PRKG1: variants seen among roughly 807,000 people sequenced by gnomAD.
The protein encoded by PRKG1 is protein kinase cGMP-dependent 1.
PRKG1 carries 35 observed loss-of-function variants against 88.1 expected under a neutral mutation model. The observed-to-expected ratio is 0.40, with a 90% confidence interval of 0.30 to 0.53. PRKG1 has a LOEUF of 0.53. Among genes scored for constraint, PRKG1 ranks in the 20% least tolerant of loss-of-function variants. PRKG1 has a pLI of 0.59. For synonymous variants in PRKG1, 303 were observed against 292.5 expected, an observed-to-expected ratio of 1.04 and a Z score of -0.37; for missense variants, 540 against 839.8, an observed-to-expected ratio of 0.64 and a Z score of 4.41.
chr10:51,024,222 G>A (rs1843172164), intron 1 of PRKG1, among the ~76,000 whole-genome samples: 1 of 152,088 alleles, frequency 6.6e-6, no homozygotes, highest in Non-Finnish European at 1.5e-5. Flanking sequence ...AATAATTTCT[G>A]TTTTTTCCAT....
chr10:51,227,440 T>G (rs1237895778), intron 2 of PRKG1, among the ~76,000 whole-genome samples: 1 of 152,116 alleles, frequency 6.6e-6, no homozygotes, highest in Non-Finnish European at 1.5e-5. Flanking sequence ...TGTTCTCTTT[T>G]TGAATGCTGG....
intron 2 of PRKG1, among the ~76,000 whole-genome samples, chr10:51,174,256 T>G (rs1226729476): frequency 6.6e-6 from 1 of 151,980 alleles, no homozygotes; most frequent in Non-Finnish European, 1.5e-5. Context: ...GAACTTATGC[T>G]TCATTCTCTG....
intron 8 of PRKG1, among the ~76,000 whole-genome samples, chr10:52,141,093 C>T (rs16927199): frequency 0.01 from 1,577 of 152,184 alleles, 23 homozygotes; most frequent in East Asian, 0.052. Context: ...AGAATGGTGT[C>T]AGCTGCAATT....
chr10:51,588,520 G>A (rs554070808), intron 3 of PRKG1, among the ~76,000 whole-genome samples: 26 of 152,280 alleles, frequency 1.7e-4, no homozygotes, highest in Admixed American at 1.2e-3. Flanking sequence ...CACTCAGGAC[G>A]TTTATAGCCA....
intron 4 of PRKG1, among the ~76,000 whole-genome samples, chr10:51,870,438 C>T (rs1841127586): frequency 6.6e-6 from 1 of 151,692 alleles, no homozygotes; most frequent in African/African-American, 2.4e-5. Flanking sequence ...GCCATTTTGT[C>T]CCTAATGTAC....
At chr10:51,879,642 G>T (rs1003087735) in intron 4 of PRKG1, among the ~76,000 whole-genome samples, 1 of 152,150 alleles carries the variant, frequency 6.6e-6, no homozygotes, top group Non-Finnish European at 1.5e-5. Context: ...CTTTAAACCT[G>T]CCTCCCTTGG....
intron 3 of PRKG1, among the ~76,000 whole-genome samples, chr10:51,572,192 T>C (rs562611456): frequency 6.6e-6 from 1 of 152,016 alleles, no homozygotes; most frequent in South Asian, 2.1e-4. Context: ...TTTCTGACAA[T>C]CCTTTCTATC....
intron 2 of PRKG1, among the ~76,000 whole-genome samples, chr10:51,356,483 C>G (rs1256295713): frequency 6.6e-6 from 1 of 151,968 alleles, no homozygotes; most frequent in South Asian, 2.1e-4. Flanking sequence ...CTAAACTTCT[C>G]ATGATTTTCT....
intron 9 of PRKG1, among the ~76,000 whole-genome samples, chr10:52,171,439 T>C (rs1178202571): frequency 6.6e-6 from 1 of 152,206 alleles, no homozygotes; most frequent in African/African-American, 2.4e-5. Flanking sequence ...CAGCCCCATT[T>C]TCTCAGCAAT....
chr10:52,071,631 T>C, intron 7 of PRKG1, among the ~76,000 whole-genome samples: 1 of 129,368 alleles, frequency 7.7e-6, no homozygotes, highest in East Asian at 2.6e-4. Flanking sequence ...CTTCCGTGTG[T>C]GGTTTAGTAT....
chr10:51,668,506 C>T (rs1453185172), intron 3 of PRKG1, among the ~76,000 whole-genome samples: 1 of 152,188 alleles, frequency 6.6e-6, no homozygotes, highest in Non-Finnish European at 1.5e-5. Flanking sequence ...CTTCTGGGCT[C>T]AAGTGATCTG....
At chr10:51,005,871 C>T (rs1015249470) in intron 1 of PRKG1, among the ~76,000 whole-genome samples, 1 of 152,186 alleles carries the variant, frequency 6.6e-6, no homozygotes, top group African/African-American at 2.4e-5. Context: ...CCTTTCTCTC[C>T]CCTCCTCTCA....
At chr10:51,683,214 G>A (rs758100681) in intron 3 of PRKG1, among the ~76,000 whole-genome samples, 178 of 152,176 alleles carry the variant, frequency 1.2e-3, no homozygotes, top group Non-Finnish European at 2.1e-3. Context: ...GGCCAGGCAC[G>A]GTGGCTCGTG....
intron 9 of PRKG1, among the ~76,000 whole-genome samples, chr10:52,165,447 A>C (rs1423771822): frequency 2.0e-5 from 3 of 152,170 alleles, no homozygotes; most frequent in Non-Finnish European, 1.5e-5. Context: ...CCAATGCTGC[A>C]GGGGCTAGGA....
intron 5 of PRKG1, among the ~76,000 whole-genome samples, chr10:51,923,209 C>T (rs970058505): frequency 3.3e-5 from 5 of 151,682 alleles, no homozygotes; most frequent in Non-Finnish European, 7.4e-5. Flanking sequence ...ATTAATATAG[C>T]GATTTCTCCT....
At chr10:51,602,783 T>C in intron 3 of PRKG1, among the ~76,000 whole-genome samples, 1 of 90,550 alleles carries the variant, frequency 1.1e-5, no homozygotes, top group East Asian at 2.1e-4. Context: ...TGTGTGTGTA[T>C]ATATTCATAT....
chr10:52,036,173 G>A (rs1404631306), intron 5 of PRKG1, among the ~76,000 whole-genome samples: 2 of 151,898 alleles, frequency 1.3e-5, no homozygotes, highest in South Asian at 2.1e-4. Context: ...AGCTTGATGG[G>A]TGTCAGGGTC....
chr10:51,429,294 G>C (rs1471262863), intron 2 of PRKG1, among the ~76,000 whole-genome samples: 2 of 152,178 alleles, frequency 1.3e-5, no homozygotes, highest in African/African-American at 4.8e-5. Flanking sequence ...CTCATGGGGA[G>C]AGAGAATGCA....
At chr10:51,335,544 T>TTG (rs1841854810) in intron 2 of PRKG1, among the ~76,000 whole-genome samples, 1 of 152,162 alleles carries the variant, frequency 6.6e-6, no homozygotes, top group Admixed American at 6.5e-5. Flanking sequence ...TACATATTTT[T>TTG]TTTTTGAGAT....
Sources: gnomAD v4.1 joint callset for allele counts (sites outside exome capture counted in the v4.1 genomes callset) on GRCh38, gnomAD v4.1.1 for gene constraint, MANE v1.5 for transcripts, NCBI Gene and HGNC (gene_info 2026-07-23, HGNC 2026-07-21) for gene names.